The following LARGE1 variants were observed in gnomAD, a reference collection of about 807,000 sequenced individuals.
LARGE1 encodes the protein LARGE xylosyl- and glucuronyltransferase 1.
In LARGE1, 43 loss-of-function variants were observed where a neutral mutation model predicts 87.6. The observed-to-expected ratio is 0.49, with a 90% confidence interval of 0.38 to 0.63. LARGE1 has a LOEUF of 0.63. Ranked by LOEUF, LARGE1 falls within the 30% of genes least tolerant of loss-of-function variation. The probability of loss-of-function intolerance (pLI) is 0.00; values close to 1 mark genes in which losing one functional copy is unlikely to be tolerated. For missense variants in LARGE1, 802 were observed against 1,000.2 expected (o/e 0.80, Z 2.67); for synonymous variants, 434 against 394.6 (o/e 1.10, Z -1.18).
chr22:33,181,771 G>A (rs137373), intron 11 of LARGE1, among the ~76,000 whole-genome samples: 50,431 of 148,250 alleles, frequency 0.34, 8,938 homozygotes, highest in Non-Finnish European at 0.39. Context: ...CTCGTAATCC[G>A]CCCACATCGG....
At chr22:33,875,644 C>G (rs928790233) in intron 1 of LARGE1, among the ~76,000 whole-genome samples, 1 of 152,194 alleles carries the variant, frequency 6.6e-6, no homozygotes, top group East Asian at 1.9e-4. Context: ...AGCAGGTGAC[C>G]GATGAATTTA....
chr22:33,901,811 G>A (rs752721283), intron 1 of LARGE1, among the ~76,000 whole-genome samples: 30 of 152,170 alleles, frequency 2.0e-4, no homozygotes, highest in Non-Finnish European at 2.6e-4. Flanking sequence ...TAACCACATC[G>A]TATAGCAAAT....
chr22:33,554,364 G>T (rs1443766477), intron 6 of LARGE1, among the ~76,000 whole-genome samples: 1 of 152,120 alleles, frequency 6.6e-6, no homozygotes, highest in African/African-American at 2.4e-5. Context: ...AAAGGAAACT[G>T]TAACAATCTG....
intron 1 of LARGE1, among the ~76,000 whole-genome samples, chr22:33,882,035 GTTTTTTTTTGTTTT>G: frequency 6.9e-6 from 1 of 144,268 alleles, no homozygotes; most frequent in Middle Eastern, 3.5e-3. Flanking sequence ...TTTTGTTTTT[GTTTTTTTTTGTTTT>G]TTTTTTTTTT....
intron 1 of LARGE1, among the ~76,000 whole-genome samples, chr22:33,873,578 G>A (rs2064370974): frequency 6.6e-6 from 1 of 152,144 alleles, no homozygotes; most frequent in African/African-American, 2.4e-5. Flanking sequence ...CACCCACCCA[G>A]GAAGATAGCA....
rs568320256 is a variant in LARGE1, at chr22:33,287,985, G to C, written c.1731-4637C>G. On this transcript the variant is annotated intron_variant, in intron 12 of 14. Coordinates refer to ENST00000397394, the MANE Select transcript of LARGE1 (RefSeq NM_133642.5). The stretch of plus-strand genomic sequence containing the variant: ...TTTGAGTCCTGGGGTTGATGCACTT[G>C]AAAAATATGTTGATGAGGATAAGCA... Among the ~76,000 whole-genome samples, 9 of 152,274 alleles carry C rather than the reference G, an allele frequency of 5.9e-5. No individual in the cohort carries two copies. In the South Asian group the frequency reaches 1.9e-3, roughly 32 times the overall value.
rs576431709 is a variant in LARGE1, at chr22:33,285,218, G to T, written c.1731-1870C>A. 2.0e-5 allele frequency among the ~76,000 whole-genome samples: 3 copies of T among 152,188 alleles called. No individual in the cohort carries two copies. The South Asian group carries it at 6.2e-4, about 32-fold the overall frequency. On this transcript the variant is annotated intron_variant, in intron 12 of 14. Transcript: ENST00000397394. ...GACCTTTGGGTCTCAGGGTCATCAT[G>T]GCTGTCTGTTTCCATCTCTGAGATA...
chr22:33,572,853 G>A (rs1158992002), intron 5 of LARGE1, among the ~76,000 whole-genome samples: 5 of 151,634 alleles, frequency 3.3e-5, no homozygotes, highest in Admixed American at 1.3e-4. Flanking sequence ...CTGGGCGACA[G>A]AGTGAGACTT....
chr22:33,552,688 T>C (rs2077566693), intron 6 of LARGE1, among the ~76,000 whole-genome samples: 1 of 152,160 alleles, frequency 6.6e-6, no homozygotes, highest in Non-Finnish European at 1.5e-5. Flanking sequence ...CACAACATAT[T>C]TTCTGGATTC....
At chr22:33,761,793 C>T (rs1369902725) in intron 1 of LARGE1, among the ~76,000 whole-genome samples, 5 of 152,208 alleles carry the variant, frequency 3.3e-5, no homozygotes, top group African/African-American at 4.8e-5. Context: ...CACACAAACA[C>T]GCACACACAC....
intron 12 of LARGE1, among the ~76,000 whole-genome samples, chr22:33,300,786 G>A (rs11089618): frequency 6.6e-6 from 1 of 151,856 alleles, no homozygotes; most frequent in Non-Finnish European, 1.5e-5. Context: ...GTGATTCACC[G>A]GCCTCGGCCT....
intron 7 of LARGE1, among the ~76,000 whole-genome samples, chr22:33,397,199 T>C (rs1248132314): frequency 1.3e-5 from 2 of 152,222 alleles, no homozygotes; most frequent in East Asian, 3.9e-4. Flanking sequence ...CACCGCAACC[T>C]CTGCCTCCTG....
chr22:33,413,250 CT>C (rs967819680), intron 7 of LARGE1, among the ~76,000 whole-genome samples: 3 of 152,132 alleles, frequency 2.0e-5, no homozygotes, highest in Non-Finnish European at 4.4e-5. Flanking sequence ...CTGAACCACT[CT>C]TTCTGAAAGA....
At chr22:33,140,257 G>C in the LARGE1 span, among the ~76,000 whole-genome samples, 1 of 152,250 alleles carries the variant, frequency 6.6e-6, no homozygotes, top group African/African-American at 2.4e-5. Flanking sequence ...TGGGAGCTGG[G>C]GGAAGAAAGA....
chr22:33,664,967 T>C (rs1005108352), intron 2 of LARGE1, among the ~76,000 whole-genome samples: 2 of 152,198 alleles, frequency 1.3e-5, no homozygotes, highest in East Asian at 1.9e-4. Flanking sequence ...ACCACAGTTA[T>C]CTTTCCGACC....
rs552601040 is a variant in LARGE1 at position 33,440,962 on chromosome 22, G to T, written c.788-8697C>A. ...GGGCGAGCGGTGTTTATAGAAACAC[G>T]CAGTCAATGGAAGAGCCAGGAGCCA... On this transcript the variant is annotated intron_variant, in intron 6 of 14. Coordinates refer to ENST00000397394, the MANE Select transcript of LARGE1 (RefSeq NM_133642.5). Among the ~76,000 whole-genome samples the T allele has an allele frequency of 2.6e-5, 4 of 152,096 alleles. No homozygotes were observed. In the South Asian group the frequency reaches 8.3e-4, roughly 32 times the overall value.
At chr22:33,722,964 T>C (rs1279482198) in intron 2 of LARGE1, among the ~76,000 whole-genome samples, 1 of 152,112 alleles carries the variant, frequency 6.6e-6, no homozygotes, top group Non-Finnish European at 1.5e-5. Flanking sequence ...GATCCTGGAA[T>C]GCGGTAAGTG....
intron 1 of LARGE1, among the ~76,000 whole-genome samples, chr22:33,879,278 TACAGCACA>T (rs2064589877): frequency 6.6e-6 from 1 of 152,174 alleles, no homozygotes; most frequent in Admixed American, 6.5e-5. Flanking sequence ...TTTTCTTATA[TACAGCACA>T]TCAAAGAACA....
intron 12 of LARGE1, among the ~76,000 whole-genome samples, chr22:33,303,953 A>C (rs1043774520): frequency 1.3e-5 from 2 of 152,238 alleles, no homozygotes; most frequent in Non-Finnish European, 2.9e-5. Context: ...TAGATGCTAC[A>C]GAAAAAGCAA....
Sources: gnomAD v4.1 joint callset for allele counts (sites outside exome capture counted in the v4.1 genomes callset) on GRCh38, gnomAD v4.1.1 for gene constraint, MANE v1.5 for transcripts, NCBI Gene and HGNC (gene_info 2026-07-23, HGNC 2026-07-21) for gene names.